ELAVL2: variants seen among roughly 807,000 people sequenced by gnomAD.
ELAVL2 encodes the protein ELAV-like protein 2.
ELAVL2 carries 4 observed loss-of-function variants against 34.6 expected under a neutral mutation model. The observed-to-expected ratio is 0.12, with a 90% confidence interval of 0.06 to 0.26. The LOEUF (loss-of-function observed/expected upper bound fraction) is 0.26, where lower values mean the gene tolerates loss of function less well. Ranked by LOEUF, ELAVL2 falls within the 10% of genes least tolerant of loss-of-function variation. The pLI is 1.00. For synonymous variants in ELAVL2, 193 were observed against 154.8 expected (o/e 1.25, Z -1.83); for missense variants, 432 against 442.8 (o/e 0.98, Z 0.22).
intron 1 of ELAVL2, among the ~76,000 whole-genome samples, chr9:23,799,017 G>A (rs1276653841): frequency 6.6e-6 from 1 of 152,086 alleles, no homozygotes; most frequent in African/African-American, 2.4e-5. Flanking sequence ...CCAGGTGGTG[G>A]TCATGTAAAG....
chr9:23,829,932 C>T (rs1405359946), upstream of ELAVL2: 1 of 152,146 alleles, frequency 6.6e-6, no homozygotes, highest in African/African-American at 2.4e-5. Flanking sequence ...CACAGAAACT[C>T]ATTTATTTTG....
At chr9:23,728,497 C>T (rs1043911679) in intron 3 of ELAVL2, among the ~76,000 whole-genome samples, 1 of 152,066 alleles carries the variant, frequency 6.6e-6, no homozygotes, top group Non-Finnish European at 1.5e-5. Flanking sequence ...AAAACTCAGC[C>T]AGATGATAGG....
At chr9:23,788,216 T>C (rs16907731) in intron 1 of ELAVL2, among the ~76,000 whole-genome samples, 41,223 of 151,892 alleles carry the variant, frequency 0.27, 6,065 homozygotes, top group East Asian at 0.42. Flanking sequence ...AACAAGTGAG[T>C]GACAATAAAC....
At position 23,766,068 on chromosome 9, in the gene ELAVL2, G is replaced by A. The variant is rs186421339; in HGVS notation, c.-15-3819C>T. Among the ~76,000 whole-genome samples, 7 of 152,144 alleles carry A rather than the reference G, an allele frequency of 4.6e-5. No individual in the cohort carries two copies. In the East Asian group the frequency reaches 7.7e-4, roughly 17 times the overall value. On this transcript the variant is annotated intron_variant, in intron 1 of 6. Transcript: ENST00000397312. ...AAAATAGACAGTGAATAACAGAAGA[G>A]GTCCAAAAATGTCTTTTACTTATTG...
chr9:23,841,817 A>G, the ELAVL2 span, among the ~76,000 whole-genome samples: 3 of 152,176 alleles, frequency 2.0e-5, no homozygotes, highest in Non-Finnish European at 4.4e-5. Context: ...AAAATTTTCT[A>G]TTGGCATGAG....
At chr9:23,777,007 A>AG (rs2058313907) in intron 1 of ELAVL2, among the ~76,000 whole-genome samples, 1 of 152,222 alleles carries the variant, frequency 6.6e-6, no homozygotes, top group South Asian at 2.1e-4. Context: ...AGAGTTTTCC[A>AG]GGTACCCATT....
chr9:23,710,121 T>C (rs762283731), intron 3 of ELAVL2, among the ~76,000 whole-genome samples: 2 of 152,180 alleles, frequency 1.3e-5, no homozygotes, highest in African/African-American at 2.4e-5. Flanking sequence ...AAAGATAGAA[T>C]ATATTTATTG....
the ELAVL2 span, among the ~76,000 whole-genome samples, chr9:23,845,390 A>G: frequency 2.0e-5 from 3 of 151,862 alleles, no homozygotes; most frequent in Admixed American, 1.3e-4. Flanking sequence ...AGAAAATTAT[A>G]TAAACATTTT....
intron 3 of ELAVL2, among the ~76,000 whole-genome samples, chr9:23,709,554 T>TCTA (rs1203801922): frequency 6.6e-6 from 1 of 152,164 alleles, no homozygotes; most frequent in Non-Finnish European, 1.5e-5. Context: ...TCTTTTTGGT[T>TCTA]CTACAAGACT....
At chr9:23,795,529 A>C (rs1343133396) in intron 1 of ELAVL2, among the ~76,000 whole-genome samples, 21 of 152,178 alleles carry the variant, frequency 1.4e-4, no homozygotes, top group Admixed American at 1.3e-3. Flanking sequence ...AGCGAGACAG[A>C]GCAAGACTCC....
chr9:23,803,022 G>C (rs1025518723), intron 1 of ELAVL2, among the ~76,000 whole-genome samples: 2 of 152,150 alleles, frequency 1.3e-5, no homozygotes, highest in Admixed American at 6.5e-5. Context: ...CTCTGATCAA[G>C]AACTTTGAGA....
At chr9:23,695,567 C>T (rs748901132) in intron 5 of ELAVL2, among the ~76,000 whole-genome samples, 1 of 152,030 alleles carries the variant, frequency 6.6e-6, no homozygotes, top group Non-Finnish European at 1.5e-5. Flanking sequence ...CGTTGTTGTA[C>T]GATCATAGAA....
the ELAVL2 span, among the ~76,000 whole-genome samples, chr9:23,846,792 G>T: frequency 6.6e-6 from 1 of 152,008 alleles, no homozygotes; most frequent in Non-Finnish European, 1.5e-5. Flanking sequence ...TTGCAAAAGT[G>T]CCAAGATTGA....
chr9:23,735,127 A>AAAAAAAAAAAAAAAAAAAAG (rs2047551514), intron 2 of ELAVL2: 1 of 142,648 alleles, frequency 7.0e-6, no homozygotes, highest in African/African-American at 2.6e-5. Flanking sequence ...AAAAAAAAAA[A>AAAAAAAAAAAAAAAAAAAAG]GCCCTTAAGA....
At chr9:23,733,349 T>C (rs1191047924) in intron 2 of ELAVL2, among the ~76,000 whole-genome samples, 1 of 152,132 alleles carries the variant, frequency 6.6e-6, no homozygotes, top group African/African-American at 2.4e-5. Context: ...CAAGCGATCC[T>C]CCCACCTTGG....
the ELAVL2 span, among the ~76,000 whole-genome samples, chr9:23,834,570 T>C: frequency 6.6e-6 from 1 of 152,038 alleles, no homozygotes; most frequent in Non-Finnish European, 1.5e-5. Flanking sequence ...AGATGGTAAC[T>C]ACAATTATGA....
At chr9:23,716,038 T>C (rs377072442) in intron 3 of ELAVL2, among the ~76,000 whole-genome samples, 5 of 152,004 alleles carry the variant, frequency 3.3e-5, no homozygotes, top group Admixed American at 6.5e-5. Context: ...ATGTAGAAAA[T>C]CTCACATAAC....
intron 1 of ELAVL2, among the ~76,000 whole-genome samples, chr9:23,817,508 T>G (rs1165411569): frequency 3.3e-5 from 5 of 152,204 alleles, no homozygotes; most frequent in African/African-American, 1.2e-4. Flanking sequence ...GAGAAAAGAA[T>G]GCTCGTTGCA....
At chr9:23,716,644 C>A (rs946987740) in intron 3 of ELAVL2, among the ~76,000 whole-genome samples, 1 of 152,170 alleles carries the variant, frequency 6.6e-6, no homozygotes, top group African/African-American at 2.4e-5. Flanking sequence ...GCAAGCTGCT[C>A]TCCAAAGACA....
Sources: gnomAD v4.1 joint callset for allele counts (sites outside exome capture counted in the v4.1 genomes callset) on GRCh38, gnomAD v4.1.1 for gene constraint, MANE v1.5 for transcripts, NCBI Gene and HGNC (gene_info 2026-07-23, HGNC 2026-07-21) for gene names.